DHX29: variants seen among roughly 807,000 people sequenced by gnomAD.
DHX29 encodes the protein ATP-dependent RNA helicase DHX29.
A neutral mutation model predicts 167.9 loss-of-function variants in DHX29; 79 were observed. That is an observed-to-expected ratio of 0.47 (90% CI 0.39 to 0.57). The LOEUF is 0.57. Among genes scored for constraint, DHX29 ranks in the 20% least tolerant of loss-of-function variants. DHX29 has a pLI of 0.00. For missense variants in DHX29, 1,347 were observed against 1,593.4 expected (o/e 0.85, Z 2.63); for synonymous variants, 530 against 546.0 (o/e 0.97, Z 0.41).
At position 55,276,274 on chromosome 5, in the gene DHX29, T is replaced by G. The variant is rs148747606; in HGVS notation, c.2419A>C (p.Lys807Gln). The change falls in exon 14 of 27, where the codon AAA becomes CAA. Residue 807 changes from lysine to glutamine, a missense_variant. Transcript: ENST00000251636. ...NVTSKAGGIK[K>Q]YQEYIPVQTG... is the part of the protein sequence containing the mutation. ...AAATATTTTCTTTTTACCTGATATTTTTTTATTCCCCCTGCTTTGCTTGTA... is the reference window on the plus strand; with the variant it reads ...AAATATTTTCTTTTTACCTGATATTGTTTTATTCCCCCTGCTTTGCTTGTA... 175 of 1,577,850 alleles carry G rather than the reference T, an allele frequency of 1.1e-4. 1 individual carries two copies. In the African/African-American group the frequency reaches 2.2e-3, roughly 20 times the overall value.
Position 55,274,733 on chromosome 5 carries a change from T to A in DHX29, c.2573-2A>T. The stretch of plus-strand genomic sequence containing the variant: ...TATTTCTGAATTGGGGACTTTTATC[T>A]GAAATTTTTAAAAAGATACAATATT... On this transcript the variant is annotated splice_acceptor_variant, in intron 15 of 26. Coordinates refer to ENST00000251636, the MANE Select transcript of DHX29 (RefSeq NM_019030.4). LOFTEE classifies it high-confidence loss of function. 6.3e-7 allele frequency: 1 copy of A among 1,580,406 alleles called. No homozygotes were observed. Among genetic ancestry groups the A allele is most frequent in the Non-Finnish European group, 8.6e-7 (1 of 1,169,170 alleles).
rs57834473 is a variant in DHX29, at chr5:55,265,989, CT to C, written c.3525+1148del. ...AGAAATGTAGATTCTCTCCTTTCAA[CT>C]TTTTTTTTTTTTCCTTTTCTTTTTT... On this transcript the variant is annotated intron_variant, in intron 23 of 26. Transcript: ENST00000251636. 3.4e-3 allele frequency among the ~76,000 whole-genome samples: 495 copies of C among 145,074 alleles called. 2 individuals are homozygous for C. Among genetic ancestry groups the C allele is most frequent in the African/African-American group, 7.7e-3 (308 of 39,916 alleles).
chr5:55,300,201 G>C (rs553673576), intron 1 of DHX29, among the ~76,000 whole-genome samples: 9 of 151,422 alleles, frequency 5.9e-5, no homozygotes, highest in East Asian at 2.0e-4. Context: ...GTGAGACTTT[G>C]CCTCTACAAA....
chr5:55,303,347 G>A (rs533114795), intron 1 of DHX29, among the ~76,000 whole-genome samples: 46 of 152,314 alleles, frequency 3.0e-4, no homozygotes, highest in Middle Eastern at 3.4e-3. Context: ...AACAGACCCA[G>A]TGCCTGTCCT....
intron 12 of DHX29, among the ~76,000 whole-genome samples, chr5:55,280,715 T>C (rs1747357231): frequency 2.0e-5 from 3 of 152,174 alleles, no homozygotes; most frequent in Admixed American, 2.0e-4. Context: ...TTGCAGCACA[T>C]TCAGCATTCA....
intron 8 of DHX29, among the ~76,000 whole-genome samples, chr5:55,288,884 GA>G (rs769413789): frequency 2.0e-5 from 3 of 152,200 alleles, no homozygotes; most frequent in Admixed American, 6.5e-5. Flanking sequence ...AAATAAGGTA[GA>G]AAGGTAGATT....
rs116009308 is a variant in DHX29 at position 55,276,026 on chromosome 5, G to A, written c.2427+240C>T. ...TTGTATGGTCCTTGATTTTGTATGC[G>A]TACCTAAGATGGCCCAGAATAGTCT... On this transcript the variant is annotated intron_variant, in intron 14 of 26. Transcript: ENST00000251636. 5.2e-3 allele frequency among the ~76,000 whole-genome samples: 790 copies of A among 152,206 alleles called. 4 individuals carry two copies. Among genetic ancestry groups the A allele is most frequent in the African/African-American group, 0.018 (756 of 41,518 alleles).
chr5:55,285,439 T>A (rs770333981), intron 9 of DHX29, 23 bp from the exon 10 acceptor site: 17 of 1,569,894 alleles, frequency 1.1e-5, no homozygotes, highest in Non-Finnish European at 1.3e-5. Flanking sequence ...AAACGCATTT[T>A]AAAAAAATAA....
At chr5:55,274,075 A>C (rs1432505985) in intron 16 of DHX29, among the ~76,000 whole-genome samples, 1 of 150,258 alleles carries the variant, frequency 6.7e-6, no homozygotes, top group Non-Finnish European at 1.5e-5. Flanking sequence ...CGACAGAGCA[A>C]GACTCTGCCT....
intron 1 of DHX29, among the ~76,000 whole-genome samples, chr5:55,303,652 C>T (rs1339184523): frequency 1.3e-5 from 2 of 152,188 alleles, no homozygotes; most frequent in Admixed American, 6.5e-5. Flanking sequence ...TTTCTTTCTT[C>T]GCTCCAGCCA....
At chr5:55,267,373 T>C (rs1314045114) in intron 22 of DHX29, 142 bp from the exon 23 acceptor site, 5 of 641,892 alleles carry the variant, frequency 7.8e-6, no homozygotes, top group African/African-American at 3.7e-5. Context: ...CAGCTACCAA[T>C]TGTATATAAG....
At position 55,269,609 on chromosome 5, in the gene DHX29, A is replaced by C. The variant is rs553242287; in HGVS notation, c.3098T>G (p.Phe1033Cys). 1 of 1,613,974 alleles carries C rather than the reference A, an allele frequency of 6.2e-7. No homozygotes were observed. Among genetic ancestry groups the C allele is most frequent in the South Asian group, 1.1e-5 (1 of 91,070 alleles). The change falls in exon 21 of 27, where the codon TTC becomes TGC. Residue 1033 changes from phenylalanine to cysteine, a missense_variant. Phe to Cys is a radical substitution (Grantham distance 205, BLOSUM62 -2). Transcript: ENST00000251636. ...AGGAGGATCTAAGGCTTTGGAGAGGAAATCTTCAGGAGAACCAAGATTACA... is the reference window on the plus strand; with the variant it reads ...AGGAGGATCTAAGGCTTTGGAGAGGCAATCTTCAGGAGAACCAAGATTACA... The part of the protein sequence containing the change: ...MKCNLGSPED[F>C]LSKALDPPQL...
At chr5:55,268,711 A>G (rs1173794559) in intron 21 of DHX29, among the ~76,000 whole-genome samples, 1 of 152,194 alleles carries the variant, frequency 6.6e-6, no homozygotes, top group African/African-American at 2.4e-5. Flanking sequence ...ATAAAGTTGT[A>G]AAGCTTTGTG....
At chr5:55,270,793 TA>T (rs1005084717) in intron 18 of DHX29, 87 bp from the exon 19 acceptor site, 11 of 964,290 alleles carry the variant, frequency 1.1e-5, no homozygotes, top group Non-Finnish European at 1.8e-5. Flanking sequence ...ACAACTAAGT[TA>T]AACACAGGCT....
chr5:55,303,017 C>T lies in DHX29; in HGVS notation c.188-4353G>A, dbSNP rs528311032. ...AATTTATAAATGAAAGGTCATGGAA[C>T]GATGCAACATATATAGCTGGCTCTC... On this transcript the variant is annotated intron_variant, in intron 1 of 26. Coordinates refer to ENST00000251636, the MANE Select transcript of DHX29 (RefSeq NM_019030.4). Among the ~76,000 whole-genome samples the T allele has an allele frequency of 3.9e-5, 6 of 151,946 alleles. No homozygotes were observed. In the South Asian group the frequency reaches 6.2e-4, roughly 16 times the overall value.
At chr5:55,281,259 AG>A in intron 12 of DHX29, 112 bp downstream of exon 12, 1 of 776,484 alleles carries the variant, frequency 1.3e-6, no homozygotes, top group East Asian at 3.5e-5. Flanking sequence ...ATTATATATA[AG>A]GTATATAATA....
intron 1 of DHX29, 138 bp from the exon 2 acceptor site, chr5:55,298,802 G>A (rs1025370032): frequency 2.0e-5 from 8 of 401,244 alleles, no homozygotes; most frequent in East Asian, 9.4e-5. Context: ...AGGCCGAGGC[G>A]GGTGGATCAT....
chr5:55,289,182 A>G, intron 8 of DHX29, 88 bp downstream of exon 8: 1 of 1,365,916 alleles, frequency 7.3e-7, no homozygotes, highest in South Asian at 1.9e-5. Flanking sequence ...ACTTTGCCAG[A>G]ATGCAAAGTA....
rs762111922 is a variant in DHX29 at position 55,256,546 on chromosome 5, T to C, written c.4058-6A>G. The stretch of plus-strand genomic sequence containing the variant: ...GATCTGCAGAATCTTGTCATCTGAG[T>C]GGAAGGAAAAAAAAAAGCCACGAAT... On this transcript the variant is annotated splice_polypyrimidine_tract_variant and splice_region_variant and intron_variant, in intron 26 of 26. Coordinates refer to ENST00000251636, the MANE Select transcript of DHX29 (RefSeq NM_019030.4). 3.2e-6 allele frequency: 5 copies of C among 1,581,674 alleles called. No homozygotes were observed. Among genetic ancestry groups the C allele is most frequent in the Non-Finnish European group, 4.3e-6 (5 of 1,170,598 alleles).
Sources: allele counts gnomAD v4.1 joint callset (sites outside exome capture counted in the v4.1 genomes callset), GRCh38; gene constraint gnomAD v4.1.1; transcripts MANE v1.5; gene names NCBI Gene and HGNC (gene_info 2026-07-23, HGNC 2026-07-21).